The following CSE1L variants were observed in gnomAD, a reference collection of about 807,000 sequenced individuals.
The protein encoded by CSE1L is chromosome segregation 1 like, also known as exportin-2.
Under a neutral mutation model 120.4 loss-of-function variants are expected in CSE1L, and 24 were observed. The observed-to-expected ratio is 0.20, with a 90% CI of 0.14 to 0.28. The LOEUF is 0.28. CSE1L is among the 10% of genes least tolerant of loss of function. The pLI is 1.00. For missense variants in CSE1L, 830 were observed against 1,145.2 expected (o/e 0.72, Z 3.97); for synonymous variants, 402 against 398.3 (o/e 1.01, Z -0.11).
Position 49,076,977 on chromosome 20 carries a change from C to T in CSE1L, c.1336-3C>T. On this transcript the variant is annotated splice_region_variant and splice_polypyrimidine_tract_variant and intron_variant, in intron 12 of 24. Transcript: ENST00000262982. ...TTTACTATGTTATGAATTTGCTTTT[C>T]AGCATGGAATTACACAAGCAAATGA... The T allele has an allele frequency of 1.3e-6, 2 of 1,587,278 alleles. No homozygotes were observed. Among genetic ancestry groups the T allele is most frequent in the Non-Finnish European group, 1.7e-6 (2 of 1,167,052 alleles).
At chr20:49,067,339 G>A in intron 6 of CSE1L, 59 bp downstream of exon 6, 1 of 1,119,280 alleles carries the variant, frequency 8.9e-7, no homozygotes, top group Non-Finnish European at 1.3e-6. Flanking sequence ...TTGAATGTTT[G>A]TATACATGTT....
In CSE1L at chr20:49,091,156, T is replaced by C. The variant is rs574521144; in HGVS notation, c.2365+134T>C. ...AAAAATACTTGGCCACGTGTGGAGG[T>C]TCATGCCTGTAATCGCAGCACTTTG... is the stretch of plus-strand genomic sequence containing the variant. On this transcript the variant is annotated intron_variant, in intron 21 of 24. Coordinates refer to ENST00000262982, the MANE Select transcript of CSE1L (RefSeq NM_001316.4). The C allele has an allele frequency of 3.4e-5, 23 of 670,554 alleles. 1 individual carries two copies. In the South Asian group the frequency reaches 4.2e-4, roughly 12 times the overall value. 41.5% of individuals were successfully genotyped at this position (670,554 alleles called of 1,614,324 possible).
In CSE1L at chr20:49,079,238, A is replaced by AT. The variant is rs201585845; in HGVS notation, c.1482+623dup. 3.2e-3 allele frequency among the ~76,000 whole-genome samples: 461 copies of AT among 142,724 alleles called. 6 individuals are homozygous for AT. Among genetic ancestry groups the AT allele is most frequent in the Admixed American group, 0.022 (316 of 14,224 alleles). The allele number at this position is 142,724 out of a possible 152,430, so 93.6% of individuals were successfully genotyped here. On this transcript the variant is annotated intron_variant, in intron 14 of 24. Transcript: ENST00000262982. ...ATTTATTTAAAAAAAATTTTTTTTTATTTTTTTGAGACGGATCTCACTCTG... is the reference window on the plus strand; with the variant it reads ...ATTTATTTAAAAAAAATTTTTTTTTATTTTTTTTGAGACGGATCTCACTCTG...
chr20:49,091,161 G>T (rs1463968485), intron 21 of CSE1L, 139 bp downstream of exon 21: 4 of 655,442 alleles, frequency 6.1e-6, no homozygotes, highest in Non-Finnish European at 1.1e-5. Flanking sequence ...GGAGGTTCAT[G>T]CCTGTAATCG....
chr20:49,093,078 C>T (rs911438138), intron 22 of CSE1L, among the ~76,000 whole-genome samples: 2 of 152,092 alleles, frequency 1.3e-5, no homozygotes, highest in Non-Finnish European at 2.9e-5. Flanking sequence ...AAAATTTCTT[C>T]GGGGACAGTT....
intron 1 of CSE1L, among the ~76,000 whole-genome samples, chr20:49,055,320 AT>A (rs2091797898): frequency 6.6e-6 from 1 of 152,218 alleles, no homozygotes; most frequent in South Asian, 2.1e-4. Flanking sequence ...AGTAAAGGGT[AT>A]ATAGGCCTGT....
At chr20:49,085,508 G>T in intron 16 of CSE1L, 122 bp downstream of exon 16, 4 of 346,260 alleles carry the variant, frequency 1.2e-5, no homozygotes, top group Non-Finnish European at 2.1e-5. Context: ...CAAGTAGTAA[G>T]TTAGTTTAGA....
chr20:49,047,395 C>A (rs904117539), intron 1 of CSE1L, among the ~76,000 whole-genome samples: 4 of 151,906 alleles, frequency 2.6e-5, no homozygotes, highest in Non-Finnish European at 4.4e-5. Context: ...TCTGTTTCTT[C>A]CATATTCCAG....
At chr20:49,047,155 G>A (rs2091719587) in intron 1 of CSE1L, among the ~76,000 whole-genome samples, 1 of 152,164 alleles carries the variant, frequency 6.6e-6, no homozygotes, top group South Asian at 2.1e-4. Flanking sequence ...GATCGCCTGG[G>A]TTCATTCCAG....
chr20:49,077,958 C>T (rs1250701117), intron 13 of CSE1L, among the ~76,000 whole-genome samples: 1 of 151,890 alleles, frequency 6.6e-6, no homozygotes, highest in Non-Finnish European at 1.5e-5. Context: ...GAGCCGAGAT[C>T]GTGCCACTGC....
intron 8 of CSE1L, 94 bp from the exon 9 acceptor site, chr20:49,072,192 T>C: frequency 7.7e-7 from 1 of 1,302,054 alleles, no homozygotes; most frequent in Non-Finnish European, 1.1e-6. Flanking sequence ...TGGATTTAAT[T>C]GATAAAGAGT....
At position 49,066,351 on chromosome 20, in the gene CSE1L, T is replaced by A; in HGVS notation, c.331-14T>A. On this transcript the variant is annotated splice_polypyrimidine_tract_variant and intron_variant, in intron 4 of 24. Coordinates refer to ENST00000262982, the MANE Select transcript of CSE1L (RefSeq NM_001316.4). ...CTGTAAAGCTCTGATCTAATTAATC[T>A]TTTCCTCTCCTAGTTAAGTGATGCA... The A allele has an allele frequency of 1.2e-6, 2 of 1,614,106 alleles. No individual in the cohort carries two copies. The highest frequency in any genetic ancestry group is 3.3e-5 in the Admixed American group (2 of 59,990).
chr20:49,095,310 AT>A (rs1222313712), intron 24 of CSE1L, among the ~76,000 whole-genome samples: 1 of 151,808 alleles, frequency 6.6e-6, no homozygotes, highest in African/African-American at 2.4e-5. Context: ...ATGTGGTAGC[AT>A]TTTTTTATTT....
chr20:49,071,847 A>G (rs1013181323), intron 8 of CSE1L, among the ~76,000 whole-genome samples: 4 of 151,498 alleles, frequency 2.6e-5, no homozygotes, highest in Non-Finnish European at 5.9e-5. Context: ...GGGTGCCTGT[A>G]GTCCCAGCTA....
chr20:49,085,836 G>A (rs1568784218), intron 16 of CSE1L, among the ~76,000 whole-genome samples: 2 of 152,080 alleles, frequency 1.3e-5, no homozygotes, highest in Non-Finnish European at 2.9e-5. Flanking sequence ...CTCCCAAAGT[G>A]CTGGGATTAG....
At chr20:49,069,726 T>C (rs2091918398) in intron 7 of CSE1L, among the ~76,000 whole-genome samples, 3 of 152,232 alleles carry the variant, frequency 2.0e-5, no homozygotes, top group African/African-American at 7.2e-5. Context: ...TCTTGAGAAC[T>C]TGTCTGGCAG....
At chr20:49,069,491 G>A (rs1438185401) in intron 7 of CSE1L, among the ~76,000 whole-genome samples, 1 of 152,220 alleles carries the variant, frequency 6.6e-6, no homozygotes, top group Non-Finnish European at 1.5e-5. Flanking sequence ...TTTGTAGCCA[G>A]TACCTGGACT....
intron 1 of CSE1L, among the ~76,000 whole-genome samples, chr20:49,049,620 A>G (rs749162732): frequency 1.1e-4 from 16 of 152,180 alleles, no homozygotes; most frequent in Non-Finnish European, 2.4e-4. Context: ...TCTTGTTGAT[A>G]ATTATGAATA....
At chr20:49,048,244 C>A (rs994877526) in intron 1 of CSE1L, among the ~76,000 whole-genome samples, 1 of 150,916 alleles carries the variant, frequency 6.6e-6, no homozygotes, top group African/African-American at 2.4e-5. Context: ...ACCATCAGTG[C>A]AAGGGAAGTC....
Sources: gnomAD v4.1 joint callset for allele counts (sites outside exome capture counted in the v4.1 genomes callset) on GRCh38, gnomAD v4.1.1 for gene constraint, MANE v1.5 for transcripts, NCBI Gene and HGNC (gene_info 2026-07-23, HGNC 2026-07-21) for gene names.